PRKG1: variants seen among roughly 807,000 people sequenced by gnomAD.
PRKG1 encodes the protein protein kinase cGMP-dependent 1.
PRKG1 carries 35 observed loss-of-function variants against 88.1 expected under a neutral mutation model. That is an observed-to-expected ratio of 0.40 (90% CI 0.30 to 0.53). The LOEUF (loss-of-function observed/expected upper bound fraction) is 0.53, where lower values mean the gene tolerates loss of function less well. Among genes scored for constraint, PRKG1 ranks in the 20% least tolerant of loss-of-function variants. The probability of loss-of-function intolerance (pLI) is 0.59; values close to 1 mark genes in which losing one functional copy is unlikely to be tolerated. For synonymous variants in PRKG1, 303 were observed against 292.5 expected (o/e 1.04, Z -0.37); for missense variants, 540 against 839.8 (o/e 0.64, Z 4.41).
At chr10:51,463,043 T>C (rs1839787060) in intron 2 of PRKG1, among the ~76,000 whole-genome samples, 2 of 152,156 alleles carry the variant, frequency 1.3e-5, no homozygotes, top group Non-Finnish European at 2.9e-5. Flanking sequence ...TTAGAGAAAT[T>C]AATAGAAACA....
At position 51,592,762 on chromosome 10, in the gene PRKG1, T is replaced by C. The variant is rs1348214390; in HGVS notation, c.592+124926T>C. 3.3e-5 allele frequency among the ~76,000 whole-genome samples: 5 copies of C among 152,214 alleles called. No individual in the cohort carries two copies. In the East Asian group the frequency reaches 9.6e-4, roughly 29 times the overall value. On this transcript the variant is annotated intron_variant, in intron 3 of 17. Coordinates refer to ENST00000373980, the MANE Select transcript of PRKG1 (RefSeq NM_006258.4). ...GTTTTAATTATGAAAAGAGGACTTT[T>C]ATTTTTTAATTTTGACTGGGGTCCA...
chr10:51,421,674 A>G (rs1251209672), intron 2 of PRKG1, among the ~76,000 whole-genome samples: 1 of 152,140 alleles, frequency 6.6e-6, no homozygotes, highest in Admixed American at 6.5e-5. Context: ...CCCTCTCCAG[A>G]GCATCATGTC....
chr10:51,312,666 A>G (rs1211447210), intron 2 of PRKG1, among the ~76,000 whole-genome samples: 1 of 149,266 alleles, frequency 6.7e-6, no homozygotes, highest in Non-Finnish European at 1.5e-5. Flanking sequence ...AAACATAGGG[A>G]ATGTTCAGAT....
chr10:51,750,637 T>C (rs1837700143), intron 3 of PRKG1, among the ~76,000 whole-genome samples: 1 of 152,158 alleles, frequency 6.6e-6, no homozygotes, highest in Non-Finnish European at 1.5e-5. Flanking sequence ...AGAATCTCCA[T>C]AGCTTAGAGT....
chr10:51,414,840 T>G (rs188293387), intron 2 of PRKG1, among the ~76,000 whole-genome samples: 16 of 152,362 alleles, frequency 1.1e-4, no homozygotes, highest in African/African-American at 3.8e-4. Context: ...GGTTTTTAAA[T>G]AACTAAAAAT....
At chr10:52,117,159 A>G (rs1189701956) in intron 7 of PRKG1, among the ~76,000 whole-genome samples, 2 of 63,486 alleles carry the variant, frequency 3.2e-5, no homozygotes, top group African/African-American at 1.1e-4. Flanking sequence ...ATCTATGTGA[A>G]ATATCTGTGT....
At chr10:51,212,834 T>C (rs1297570729) in intron 2 of PRKG1, among the ~76,000 whole-genome samples, 1 of 152,192 alleles carries the variant, frequency 6.6e-6, no homozygotes, top group African/African-American at 2.4e-5. Context: ...CTGGAGAGGA[T>C]GTGAAGAAAT....
intron 5 of PRKG1, among the ~76,000 whole-genome samples, chr10:52,011,492 C>T (rs1267947079): frequency 2.6e-5 from 4 of 152,116 alleles, no homozygotes; most frequent in Admixed American, 2.0e-4. Context: ...TTGGTCCTAT[C>T]TAGAGCCTCA....
At chr10:51,898,918 T>C (rs764684895) in intron 4 of PRKG1, among the ~76,000 whole-genome samples, 9 of 152,154 alleles carry the variant, frequency 5.9e-5, no homozygotes, top group Non-Finnish European at 1.0e-4. Context: ...TTTTTGGTAT[T>C]ATAAGAATAT....
At chr10:51,330,947 G>T (rs572919923) in intron 2 of PRKG1, among the ~76,000 whole-genome samples, 125 of 152,294 alleles carry the variant, frequency 8.2e-4, no homozygotes, top group African/African-American at 2.8e-3. Context: ...CAGCACTGAG[G>T]TGTATCAGAA....
At chr10:51,013,432 T>C (rs6479853) in intron 1 of PRKG1, among the ~76,000 whole-genome samples, 137,008 of 152,208 alleles carry the variant, frequency 0.9, 61,877 homozygotes, top group African/African-American at 0.97. Context: ...ACTCTGTTGC[T>C]CAGGCTGGAG....
chr10:51,035,035 C>T lies in PRKG1; in HGVS notation c.266+43391C>T, dbSNP rs984978494. ...GTTCTTATTTGGAATTCTCAAAATA[C>T]GTATATTCTGGGAAAAGATCAGAGA... On this transcript the variant is annotated intron_variant, in intron 1 of 17. Coordinates refer to the PRKG1 transcript ENST00000401604. Among the ~76,000 whole-genome samples the T allele has an allele frequency of 3.9e-5, 6 of 151,900 alleles. 1 individual carries two copies. Among genetic ancestry groups the T allele is most frequent in the South Asian group, 2.1e-4 (1 of 4,816 alleles).
chr10:52,152,829 G>A (rs1837972865), intron 8 of PRKG1, among the ~76,000 whole-genome samples: 1 of 152,160 alleles, frequency 6.6e-6, no homozygotes, highest in Non-Finnish European at 1.5e-5. Flanking sequence ...ATTGAAGTTA[G>A]AATATACAGG....
At chr10:51,699,765 T>G (rs1841415593) in intron 3 of PRKG1, among the ~76,000 whole-genome samples, 1 of 152,220 alleles carries the variant, frequency 6.6e-6, no homozygotes, top group Non-Finnish European at 1.5e-5. Flanking sequence ...GTCAGCTTCT[T>G]ATTACAGAGT....
At chr10:51,534,346 A>G in intron 3 of PRKG1, among the ~76,000 whole-genome samples, 1 of 152,118 alleles carries the variant, frequency 6.6e-6, no homozygotes, top group Admixed American at 6.5e-5. Context: ...AGAAATTGCC[A>G]ATATTCAACA....
chr10:52,202,155 C>T (rs1839689779), intron 9 of PRKG1, among the ~76,000 whole-genome samples: 1 of 151,744 alleles, frequency 6.6e-6, no homozygotes, highest in Non-Finnish European at 1.5e-5. Flanking sequence ...GGAATGCTTC[C>T]AGGTTTGGCT....
At position 52,294,096 on chromosome 10, in the gene PRKG1, T is replaced by C. The variant is rs1362263402; in HGVS notation, c.*196T>C. 2.1e-6 allele frequency: 1 copy of C among 473,136 alleles called. No individual in the cohort carries two copies. Among genetic ancestry groups the C allele is most frequent in the African/African-American group, 2.0e-5 (1 of 50,612 alleles). The allele number at this position is 473,136 out of a possible 1,614,324, so 29.3% of individuals were successfully genotyped here. A position where few individuals can be genotyped will look rare whatever the true frequency, so the allele number is the denominator to read the frequency against. On this transcript the variant is annotated 3_prime_UTR_variant, in exon 18 of 18. Coordinates refer to ENST00000373980, the MANE Select transcript of PRKG1 (RefSeq NM_006258.4). ...ATAGTGCTCTTTACATGTTTTCTGTTTGAACCTAAAATAGCAGTTGACATG... is the reference window on the plus strand; with the variant it reads ...ATAGTGCTCTTTACATGTTTTCTGTCTGAACCTAAAATAGCAGTTGACATG...
At chr10:51,741,486 T>G (rs1409036165) in intron 3 of PRKG1, among the ~76,000 whole-genome samples, 1 of 152,088 alleles carries the variant, frequency 6.6e-6, no homozygotes, top group Non-Finnish European at 1.5e-5. Flanking sequence ...ATTCAAAAAT[T>G]ATTTTTCTGG....
At chr10:51,157,145 T>C (rs1846235057) in intron 2 of PRKG1, among the ~76,000 whole-genome samples, 2 of 151,940 alleles carry the variant, frequency 1.3e-5, no homozygotes, top group African/African-American at 4.8e-5. Context: ...AGAATACTCA[T>C]ATGGTAAGAC....
Sources: gnomAD v4.1 joint callset for allele counts (sites outside exome capture counted in the v4.1 genomes callset) on GRCh38, gnomAD v4.1.1 for gene constraint, MANE v1.5 for transcripts, NCBI Gene and HGNC (gene_info 2026-07-23, HGNC 2026-07-21) for gene names.